Variants in PHF14 observed in about 807,000 individuals in gnomAD.
PHF14 encodes PHD finger protein 14.
A neutral mutation model predicts 117.9 loss-of-function variants in PHF14; 55 were observed. That is an observed-to-expected ratio of 0.47 (90% CI 0.38 to 0.58). The LOEUF (loss-of-function observed/expected upper bound fraction) is 0.58, where lower values mean the gene tolerates loss of function less well. Ranked by LOEUF, PHF14 falls within the 20% of genes least tolerant of loss-of-function variation. PHF14 has a pLI of 0.00. For missense variants in PHF14, 978 were observed against 1,122.2 expected (o/e 0.87, Z 1.84); for synonymous variants, 409 against 368.6 (o/e 1.11, Z -1.26).
rs1187854128 is a variant in PHF14 at position 10,982,699 on chromosome 7, C to T, written c.440C>T (p.Ser147Phe). ...KATVSENVAA[S>F]AAATTPATSP... ...ACAGTATCTGAGAATGTGGCTGCTT[C>T]TGCTGCTGCCACCACACCAGCCACA... Residue 147 changes from serine to phenylalanine, a missense_variant, in exon 3 of 18, where the codon TCT becomes TTT. By Grantham distance (155) the Ser-to-Phe change is radical. Transcript: ENST00000634607. 6.2e-7 allele frequency: 1 copy of T among 1,608,394 alleles called. No individual in the cohort carries two copies. Among genetic ancestry groups the T allele is most frequent in the Non-Finnish European group, 8.5e-7 (1 of 1,177,116 alleles).
At chr7:11,079,031 C>T (rs1179388481) in intron 16 of PHF14, among the ~76,000 whole-genome samples, 1 of 152,024 alleles carries the variant, frequency 6.6e-6, no homozygotes, top group Non-Finnish European at 1.5e-5. Context: ...GCCTAAATTC[C>T]TTCTGTGAAA....
intron 6 of PHF14, 102 bp downstream of exon 6, chr7:11,023,081 A>G (rs1783789489): frequency 5.3e-6 from 3 of 566,024 alleles, no homozygotes; most frequent in Middle Eastern, 2.8e-4. Context: ...AATGCTTACT[A>G]GGAATCATTC....
intron 7 of PHF14, 24 bp from the exon 8 acceptor site, chr7:11,035,616 T>C: frequency 6.6e-7 from 1 of 1,519,788 alleles, no homozygotes; most frequent in Non-Finnish European, 8.9e-7. Flanking sequence ...ATGTTCACTA[T>C]TTTTCTGTGC....
intron 17 of PHF14, among the ~76,000 whole-genome samples, chr7:11,152,073 C>T (rs115943943): frequency 2.6e-5 from 4 of 152,266 alleles, no homozygotes; most frequent in African/African-American, 7.2e-5. Context: ...GGTAGCAGAA[C>T]TGTCAAGCTG....
At chr7:10,977,588 T>G (rs1781911005) in intron 2 of PHF14, among the ~76,000 whole-genome samples, 1 of 152,176 alleles carries the variant, frequency 6.6e-6, no homozygotes, top group Non-Finnish European at 1.5e-5. Flanking sequence ...CCTGTACCTT[T>G]AGAAAATTAT....
chr7:10,978,644 T>C (rs1781948510), intron 2 of PHF14, among the ~76,000 whole-genome samples: 1 of 152,214 alleles, frequency 6.6e-6, no homozygotes, highest in African/African-American at 2.4e-5. Context: ...GGATAATTTT[T>C]TGTTGTGGAG....
At chr7:11,157,975 TAA>T (rs1788917318) in intron 17 of PHF14, among the ~76,000 whole-genome samples, 3 of 152,304 alleles carry the variant, frequency 2.0e-5, no homozygotes, top group East Asian at 3.9e-4. Flanking sequence ...ACTTTAGATT[TAA>T]AAGAGTTGTA....
At chr7:11,111,079 C>A in intron 16 of PHF14, 1 of 299,428 alleles carries the variant, frequency 3.3e-6, no homozygotes. Flanking sequence ...TACGTTCATT[C>A]ATATGCTCTT....
At chr7:11,104,217 A>C (rs1275642835) in intron 16 of PHF14, 1 of 984,068 alleles carries the variant, frequency 1.0e-6, no homozygotes, top group African/African-American at 1.7e-5. Context: ...ATCATTTTCC[A>C]TCTTGCATTT....
intron 4 of PHF14, among the ~76,000 whole-genome samples, chr7:11,012,406 G>T (rs186658855): frequency 2.8e-4 from 42 of 152,256 alleles, no homozygotes; most frequent in African/African-American, 9.9e-4. Flanking sequence ...GTTATGAAAA[G>T]TTGATGCTTT....
chr7:11,077,688 A>G lies in PHF14; in HGVS notation c.2654+15603A>G, dbSNP rs537948347. 5.2e-3 allele frequency among the ~76,000 whole-genome samples: 794 copies of G among 151,822 alleles called. 4 individuals carry two copies. The highest frequency in any genetic ancestry group is 0.018 in the African/African-American group (748 of 41,346). ...TTTGGAGAACAGATATACCTCGTAC[A>G]TAGTCTCTTGTTTGCCTGTGAGCTT... On this transcript the variant is annotated intron_variant, in intron 16 of 17. Transcript: ENST00000634607.
In PHF14 at chr7:11,036,449, G is replaced by T; in HGVS notation, c.1634G>T (p.Arg545Leu). The T allele has an allele frequency of 1.2e-6, 2 of 1,613,388 alleles. No homozygotes were observed. The highest frequency in any genetic ancestry group is 2.2e-5 in the South Asian group (2 of 91,026). ...ATCAATGCCCGGCTTCAGCAGTATC[G>T]TGCCAAAGCAGAACTAGCTCGATCT... ...ARINARLQQYRAKAELARSTR... is the reference protein window; with the variant it reads ...ARINARLQQYLAKAELARSTR... The change falls in exon 9 of 18, where the codon CGT becomes CTT. Residue 545 changes from arginine (R) to leucine (L), a missense_variant. Arg to Leu is a moderately radical substitution (Grantham distance 102). This residue lies in a region of PHF14 where 237 missense variants were observed against 276.4 expected (regional missense o/e 0.86). Transcript: ENST00000634607.
chr7:11,108,662 C>T (rs1334871913), intron 16 of PHF14: 1 of 151,758 alleles, frequency 6.6e-6, no homozygotes, highest in African/African-American at 2.4e-5. Context: ...AAATCTTTCT[C>T]TTCCTCTTTT....
At chr7:11,006,711 A>T in intron 4 of PHF14, 1 of 654,924 alleles carries the variant, frequency 1.5e-6, no homozygotes, top group Non-Finnish European at 2.9e-6. Context: ...CTGCCTCCAG[A>T]GTCTCAGTGT....
intron 17 of PHF14, among the ~76,000 whole-genome samples, chr7:11,132,141 T>C (rs572203419): frequency 1.3e-5 from 2 of 151,920 alleles, no homozygotes; most frequent in South Asian, 4.2e-4. Flanking sequence ...TTTGCATGAA[T>C]TCCAAATACA....
At chr7:11,107,451 A>C (rs1787308848) in intron 16 of PHF14, 1 of 816,910 alleles carries the variant, frequency 1.2e-6, no homozygotes, top group Admixed American at 6.3e-5. Flanking sequence ...GATAGCTAGG[A>C]AGTTGTATTT....
At chr7:11,103,427 T>A in intron 16 of PHF14, 3 of 982,222 alleles carry the variant, frequency 3.1e-6, no homozygotes, top group Non-Finnish European at 3.6e-6. Context: ...GAAAGAAAGA[T>A]CTTCATCAAC....
At chr7:11,072,817 C>G (rs907884607) in intron 16 of PHF14, among the ~76,000 whole-genome samples, 1 of 152,150 alleles carries the variant, frequency 6.6e-6, no homozygotes, top group Non-Finnish European at 1.5e-5. Context: ...AGGAAACTTA[C>G]AATCATGGTG....
At position 11,025,270 on chromosome 7, in the gene PHF14, G is replaced by T. The variant is rs140932506; in HGVS notation, c.1317+2291G>T. Among the ~76,000 whole-genome samples, 483 of 152,286 alleles carry T rather than the reference G, an allele frequency of 3.2e-3. 3 individuals are homozygous for T. Among genetic ancestry groups the T allele is most frequent in the African/African-American group, 0.011 (461 of 41,560 alleles). On this transcript the variant is annotated intron_variant, in intron 6 of 17. Coordinates refer to ENST00000634607, the MANE Select transcript of PHF14 (RefSeq NM_001007157.2). ...GTGAAGAAAGTGGTTTCTCGAGTTG[G>T]AATCTACTCCTGGTGAAGATGCTAT... is the stretch of plus-strand genomic sequence containing the variant.
Sources: gnomAD v4.1 joint callset for allele counts (sites outside exome capture counted in the v4.1 genomes callset) on GRCh38, gnomAD v4.1.1 for gene constraint, gnomAD v4.1.1 regional missense constraint, MANE v1.5 for transcripts, NCBI Gene and HGNC (gene_info 2026-07-23, HGNC 2026-07-21) for gene names.